The following ITPR2 variants were observed in gnomAD, a reference collection of about 807,000 sequenced individuals.
ITPR2 encodes inositol 1,4,5-trisphosphate receptor type 2.
In ITPR2, 207 loss-of-function variants were observed where a neutral mutation model predicts 317.1. The ratio of observed to expected loss-of-function variants is 0.65; its 90% CI spans 0.58 to 0.73. The LOEUF is 0.73. Ranked by LOEUF, ITPR2 falls within the 30% of genes least tolerant of loss-of-function variation. The pLI is 0.00. For synonymous variants in ITPR2, 1,156 were observed against 1,149.1 expected, an observed-to-expected ratio of 1.01 and a Z score of -0.12; for missense variants, 2,613 against 3,284.0, an observed-to-expected ratio of 0.80 and a Z score of 4.99.
chr12:26,505,308 T>C (rs1217612482), intron 37 of ITPR2, among the ~76,000 whole-genome samples: 1 of 152,192 alleles, frequency 6.6e-6, no homozygotes, highest in Non-Finnish European at 1.5e-5. Flanking sequence ...ATGCAACACC[T>C]ACAGATTTGA....
chr12:26,605,741 G>A (rs984812991), intron 26 of ITPR2, among the ~76,000 whole-genome samples: 14 of 152,128 alleles, frequency 9.2e-5, no homozygotes, highest in South Asian at 2.1e-4. Context: ...TGTGGGAATT[G>A]GTGAAAAATA....
chr12:26,376,171 A>G (rs893132504), intron 55 of ITPR2, among the ~76,000 whole-genome samples: 3 of 152,104 alleles, frequency 2.0e-5, no homozygotes, highest in African/African-American at 7.2e-5. Context: ...CGAATTACAG[A>G]CCTATATACT....
intron 32 of ITPR2, 85 bp from the exon 33 acceptor site, chr12:26,580,240 G>T: frequency 8.2e-7 from 1 of 1,217,580 alleles, no homozygotes; most frequent in Non-Finnish European, 1.1e-6. Flanking sequence ...AAATTGTCCT[G>T]AAATAGTTGT....
At chr12:26,670,942 G>C (rs1372644788) in intron 13 of ITPR2, among the ~76,000 whole-genome samples, 1 of 152,022 alleles carries the variant, frequency 6.6e-6, no homozygotes, top group Non-Finnish European at 1.5e-5. Flanking sequence ...TGGAAGAAAG[G>C]GTATCAGCAA....
intron 45 of ITPR2, among the ~76,000 whole-genome samples, chr12:26,449,474 C>G (rs921721902): frequency 1.3e-5 from 2 of 152,098 alleles, no homozygotes; most frequent in Non-Finnish European, 2.9e-5. Flanking sequence ...TAGAGATGAG[C>G]AAGACTTATT....
intron 49 of ITPR2, among the ~76,000 whole-genome samples, chr12:26,425,164 A>G (rs1463899): frequency 0.99 from 151,033 of 152,118 alleles, 74,981 homozygotes; most frequent in East Asian, 1. Context: ...GACTGGCCTC[A>G]AACTCCTGTC....
chr12:26,699,225 T>C (rs971030518), intron 9 of ITPR2, among the ~76,000 whole-genome samples: 5 of 151,968 alleles, frequency 3.3e-5, no homozygotes, highest in African/African-American at 1.2e-4. Flanking sequence ...AAACACAAAA[T>C]AAAATAATTT....
chr12:26,380,768 C>T (rs1939485654), intron 55 of ITPR2, among the ~76,000 whole-genome samples: 1 of 152,170 alleles, frequency 6.6e-6, no homozygotes, highest in Non-Finnish European at 1.5e-5. Context: ...CGATGGCTTT[C>T]ATGAGCCCAA....
intron 37 of ITPR2, among the ~76,000 whole-genome samples, chr12:26,516,146 A>G (rs1212937328): frequency 7.9e-6 from 1 of 127,164 alleles, no homozygotes; most frequent in Non-Finnish European, 1.7e-5. Context: ...AAAAGAAAAG[A>G]CGAAGAAAAG....
At chr12:26,561,671 G>C (rs1042547644) in intron 35 of ITPR2, 91 bp downstream of exon 35, 80 of 1,091,196 alleles carry the variant, frequency 7.3e-5, no homozygotes, top group Admixed American at 1.8e-4. Flanking sequence ...AATAGAACTT[G>C]ATATTTTAAA....
rs1343152669 is a variant in ITPR2 at position 26,743,871 on chromosome 12, A to G, written c.164-18106T>C. On this transcript the variant is annotated intron_variant, in intron 2 of 56. Transcript: ENST00000381340. ...GTGCCATTGCACTCCAGCCTGGGCAACAAGAGCAAAACTCCATCTCAAAAA... is the reference window on the plus strand; with the variant it reads ...GTGCCATTGCACTCCAGCCTGGGCAGCAAGAGCAAAACTCCATCTCAAAAA... 2.6e-5 allele frequency among the ~76,000 whole-genome samples: 4 copies of G among 152,224 alleles called. No individual in the cohort carries two copies. The East Asian group carries it at 7.7e-4, about 29-fold the overall frequency.
rs546246097 is a variant in ITPR2 at position 26,385,407 on chromosome 12, C to T, written c.7857+2027G>A. 2.5e-4 allele frequency among the ~76,000 whole-genome samples: 38 copies of T among 152,280 alleles called. 1 individual carries two copies. The South Asian group carries it at 7.9e-3, about 32-fold the overall frequency. On this transcript the variant is annotated intron_variant, in intron 55 of 56. Coordinates refer to ENST00000381340, the MANE Select transcript of ITPR2 (RefSeq NM_002223.4). ...GGCTCATCTTGCTCTCTTTGACTTC[C>T]CCTGCTCCTCACATATCCTCACCCC...
intron 51 of ITPR2, among the ~76,000 whole-genome samples, chr12:26,413,937 C>T (rs1342293098): frequency 2.0e-5 from 3 of 151,940 alleles, no homozygotes; most frequent in Admixed American, 6.6e-5. Context: ...TCATAAATTA[C>T]GATTCAGCTT....
At chr12:26,607,509 C>T (rs1007286021) in intron 26 of ITPR2, among the ~76,000 whole-genome samples, 3 of 151,884 alleles carry the variant, frequency 2.0e-5, no homozygotes, top group African/African-American at 7.3e-5. Context: ...AGATATCACC[C>T]TAGATCAACT....
At chr12:26,645,361 C>T (rs1947090955) in intron 21 of ITPR2, among the ~76,000 whole-genome samples, 1 of 152,210 alleles carries the variant, frequency 6.6e-6, no homozygotes, top group Admixed American at 6.5e-5. Flanking sequence ...GGATTATACC[C>T]ATGTTCCTGC....
At chr12:26,687,311 G>T (rs1033480735) in intron 10 of ITPR2, among the ~76,000 whole-genome samples, 1 of 152,152 alleles carries the variant, frequency 6.6e-6, no homozygotes, top group Middle Eastern at 3.2e-3. Flanking sequence ...CCCCATGGAA[G>T]AACTGGTTGC....
chr12:26,505,611 ATATT>A (rs1392958942), intron 37 of ITPR2, among the ~76,000 whole-genome samples: 7 of 152,158 alleles, frequency 4.6e-5, no homozygotes, highest in Non-Finnish European at 8.8e-5. Context: ...CTTTAGCTGT[ATATT>A]TATTTATACC....
At chr12:26,354,002 A>C (rs1258953055) in intron 55 of ITPR2, among the ~76,000 whole-genome samples, 4 of 152,228 alleles carry the variant, frequency 2.6e-5, no homozygotes, top group Non-Finnish European at 4.4e-5. Flanking sequence ...GGCCAGGTGC[A>C]GTGGCTCATG....
intron 37 of ITPR2, among the ~76,000 whole-genome samples, chr12:26,534,893 A>G (rs1241111301): frequency 1.3e-5 from 2 of 152,218 alleles, no homozygotes; most frequent in South Asian, 2.1e-4. Context: ...GTTAGGATCA[A>G]TATCTGTGTG....
Sources: gnomAD v4.1 joint callset for allele counts (sites outside exome capture counted in the v4.1 genomes callset) on GRCh38, gnomAD v4.1.1 for gene constraint, MANE v1.5 for transcripts, NCBI Gene and HGNC (gene_info 2026-07-23, HGNC 2026-07-21) for gene names.